Variants in SH3GL2 observed in about 807,000 individuals in gnomAD.
SH3GL2 encodes endophilin-A1.
A neutral mutation model predicts 46.0 loss-of-function variants in SH3GL2; 24 were observed. That is an observed-to-expected ratio of 0.52 (90% CI 0.38 to 0.73). The LOEUF is 0.73. Ranked by LOEUF, SH3GL2 falls within the 30% of genes least tolerant of loss-of-function variation. The probability of loss-of-function intolerance (pLI) is 0.00; values close to 1 mark genes in which losing one functional copy is unlikely to be tolerated. For synonymous variants in SH3GL2, 196 were observed against 147.1 expected (o/e 1.33, Z -2.40); for missense variants, 413 against 424.2 (o/e 0.97, Z 0.23).
At chr9:17,579,333 T>C (rs1303914479) in intron 1 of SH3GL2, 46 bp downstream of exon 1, 46 of 1,400,680 alleles carry the variant, frequency 3.3e-5, no homozygotes, top group Non-Finnish European at 4.3e-5. Flanking sequence ...GGGGCGAAGC[T>C]GCGAGGGGCG....
At chr9:17,773,332 A>AT (rs1159345311) in intron 3 of SH3GL2, among the ~76,000 whole-genome samples, 4 of 151,820 alleles carry the variant, frequency 2.6e-5, no homozygotes, top group South Asian at 2.1e-4. Context: ...CAATTGTGTA[A>AT]TTTTTTTTGT....
At chr9:17,792,095 A>T (rs749893565) in intron 7 of SH3GL2, among the ~76,000 whole-genome samples, 1 of 152,214 alleles carries the variant, frequency 6.6e-6, no homozygotes, top group Non-Finnish European at 1.5e-5. Flanking sequence ...CTTAGGCCAC[A>T]TGGCCAGATT....
chr9:17,747,228 C>A, intron 2 of SH3GL2, 94 bp downstream of exon 2: 1 of 708,482 alleles, frequency 1.4e-6, no homozygotes, highest in Non-Finnish European at 2.5e-6. Context: ...AACTGTTTTC[C>A]ACTGGTCTCT....
chr9:17,733,645 A>G (rs1822243995), intron 1 of SH3GL2, among the ~76,000 whole-genome samples: 1 of 151,322 alleles, frequency 6.6e-6, no homozygotes. Flanking sequence ...ACTATAAATC[A>G]TGCTGTTATA....
intron 3 of SH3GL2, among the ~76,000 whole-genome samples, chr9:17,784,978 G>T (rs1254153090): frequency 6.6e-6 from 1 of 152,174 alleles, no homozygotes; most frequent in Non-Finnish European, 1.5e-5. Flanking sequence ...CACCAAAGGT[G>T]CTGGGATTAT....
chr9:17,717,300 T>TTTC (rs1236696225), intron 1 of SH3GL2, among the ~76,000 whole-genome samples: 1 of 152,194 alleles, frequency 6.6e-6, no homozygotes, highest in Non-Finnish European at 1.5e-5. Context: ...ATTTTGGGTA[T>TTTC]TTCTCATCAT....
rs551807595 is a variant in SH3GL2 at position 17,706,457 on chromosome 9, A to G, written c.46-40609A>G. Among the ~76,000 whole-genome samples the G allele has an allele frequency of 5.3e-3, 808 of 152,224 alleles. 4 individuals are homozygous for G. The highest frequency in any genetic ancestry group is 8.7e-3 in the Non-Finnish European group (591 of 68,002). ...GTTGTACCAGGCTTTTGATTCTGCCAGATGCAGCGGGAGAGCAATTGCTCT... is the reference window on the plus strand; with the variant it reads ...GTTGTACCAGGCTTTTGATTCTGCCGGATGCAGCGGGAGAGCAATTGCTCT... On this transcript the variant is annotated intron_variant, in intron 1 of 8. Coordinates refer to ENST00000380607, the MANE Select transcript of SH3GL2 (RefSeq NM_003026.5).
intron 1 of SH3GL2, among the ~76,000 whole-genome samples, chr9:17,710,586 C>T (rs906679578): frequency 1.3e-5 from 2 of 151,978 alleles, no homozygotes; most frequent in East Asian, 3.9e-4. Flanking sequence ...GAGACTTGAG[C>T]AGATATTTGT....
At chr9:17,648,060 T>C (rs1179070996) in intron 1 of SH3GL2, among the ~76,000 whole-genome samples, 1 of 152,234 alleles carries the variant, frequency 6.6e-6, no homozygotes, top group East Asian at 1.9e-4. Flanking sequence ...CTTACTTTAT[T>C]GTAAAAATAC....
chr9:17,745,334 G>T (rs1254021074), intron 1 of SH3GL2, among the ~76,000 whole-genome samples: 1 of 152,186 alleles, frequency 6.6e-6, no homozygotes, highest in African/African-American at 2.4e-5. Context: ...GGGAGAAACT[G>T]TGGTATGGTA....
chr9:17,596,706 A>C (rs1206325345), intron 1 of SH3GL2, among the ~76,000 whole-genome samples: 1 of 152,234 alleles, frequency 6.6e-6, no homozygotes, highest in East Asian at 1.9e-4. Flanking sequence ...TTGAAGACAG[A>C]AAATACAAAG....
At chr9:17,625,783 T>C (rs1819267212) in intron 1 of SH3GL2, among the ~76,000 whole-genome samples, 1 of 152,180 alleles carries the variant, frequency 6.6e-6, no homozygotes, top group Admixed American at 6.5e-5. Flanking sequence ...TCTTCCTTCT[T>C]AATCAGTTTC....
chr9:17,623,016 CTTTCCTTTCCTTTCCTTTCCTTT>C (rs1563786517), intron 1 of SH3GL2, among the ~76,000 whole-genome samples: 1 of 97,902 alleles, frequency 1.0e-5, no homozygotes, highest in African/African-American at 4.2e-5. Flanking sequence ...CTTTCCTTTC[CTTTCCTTTCCTTTCCTTTCCTTT>C]CCTTCCCCTT....
chr9:17,722,448 A>T (rs928981522), intron 1 of SH3GL2, among the ~76,000 whole-genome samples: 9 of 152,090 alleles, frequency 5.9e-5, no homozygotes, highest in African/African-American at 2.2e-4. Context: ...TAGTCACTGC[A>T]TGTTTGCACT....
At chr9:17,702,375 A>G (rs932958482) in intron 1 of SH3GL2, among the ~76,000 whole-genome samples, 1 of 152,110 alleles carries the variant, frequency 6.6e-6, no homozygotes, top group Admixed American at 6.6e-5. Flanking sequence ...TTATGATCCC[A>G]AACCCAGAAA....
intron 1 of SH3GL2, among the ~76,000 whole-genome samples, chr9:17,686,775 T>C (rs1204497684): frequency 1.6e-5 from 2 of 125,458 alleles, no homozygotes; most frequent in Non-Finnish European, 3.2e-5. Context: ...AATATCACAC[T>C]CTGGGGACTG....
At chr9:17,721,437 A>T (rs1373395289) in intron 1 of SH3GL2, among the ~76,000 whole-genome samples, 8 of 152,096 alleles carry the variant, frequency 5.3e-5, no homozygotes, top group Non-Finnish European at 1.2e-4. Context: ...GATCATACTA[A>T]TGTAAGCCTG....
At chr9:17,733,610 C>G (rs903517517) in intron 1 of SH3GL2, among the ~76,000 whole-genome samples, 10 of 150,780 alleles carry the variant, frequency 6.6e-5, no homozygotes, top group African/African-American at 1.9e-4. Flanking sequence ...CCCAGCCATC[C>G]CATTACTGGG....
At chr9:17,639,662 G>A (rs1334394764) in intron 1 of SH3GL2, among the ~76,000 whole-genome samples, 1 of 152,146 alleles carries the variant, frequency 6.6e-6, no homozygotes, top group African/African-American at 2.4e-5. Context: ...GGTGTTAGTC[G>A]AAGAGAAAGG....
Sources: allele counts gnomAD v4.1 joint callset (sites outside exome capture counted in the v4.1 genomes callset), GRCh38; gene constraint gnomAD v4.1.1; transcripts MANE v1.5; gene names NCBI Gene and HGNC (gene_info 2026-07-23, HGNC 2026-07-21).